Variants in PTPRN2 observed in about 807,000 individuals in gnomAD.
The protein encoded by PTPRN2 is receptor-type tyrosine-protein phosphatase N2.
In PTPRN2, 74 loss-of-function variants were observed where a neutral mutation model predicts 118.8. The ratio of observed to expected loss-of-function variants is 0.62; its 90% confidence interval spans 0.52 to 0.76. PTPRN2 has a LOEUF of 0.76. Ranked by LOEUF, PTPRN2 falls within the 30% of genes least tolerant of loss-of-function variation. PTPRN2 has a pLI of 0.00. For synonymous variants in PTPRN2, 641 were observed against 608.0 expected (o/e 1.05, Z -0.80); for missense variants, 1,481 against 1,394.4 (o/e 1.06, Z -0.99).
chr7:158,439,409 A>G (rs1357126607), intron 2 of PTPRN2, among the ~76,000 whole-genome samples: 1 of 152,170 alleles, frequency 6.6e-6, no homozygotes, highest in African/African-American at 2.4e-5. Context: ...TTGAGCTAAG[A>G]ATGGTTTTTA....
intron 2 of PTPRN2, among the ~76,000 whole-genome samples, chr7:158,413,502 G>C (rs1814373736): frequency 6.6e-6 from 1 of 152,234 alleles, no homozygotes; most frequent in South Asian, 2.1e-4. Flanking sequence ...TGTCCACTCT[G>C]GGCCTGTGAC....
At chr7:157,740,496 C>A (rs1339273048) in intron 12 of PTPRN2, 1 of 151,878 alleles carries the variant, frequency 6.6e-6, no homozygotes, top group Non-Finnish European at 1.5e-5. Context: ...AACGCGGGAG[C>A]CTGACCAGCT....
chr7:158,050,981 G>A (rs1315745456), intron 11 of PTPRN2, among the ~76,000 whole-genome samples: 1 of 152,254 alleles, frequency 6.6e-6, no homozygotes, highest in African/African-American at 2.4e-5. Context: ...AGGTCACCCA[G>A]GGGCACGCCA....
intron 12 of PTPRN2, among the ~76,000 whole-genome samples, chr7:157,880,750 C>T (rs931725781): frequency 9.2e-5 from 14 of 152,180 alleles, no homozygotes; most frequent in East Asian, 3.8e-4. Context: ...TTCTAAAAAT[C>T]GCGCTAAATT....
At chr7:158,049,384 C>T (rs531003294) in intron 11 of PTPRN2, among the ~76,000 whole-genome samples, 41 of 152,300 alleles carry the variant, frequency 2.7e-4, no homozygotes, top group South Asian at 6.2e-4. Context: ...ACTCCAACTC[C>T]GACACTACAT....
chr7:157,558,457 A>G (rs1799017438), intron 21 of PTPRN2, among the ~76,000 whole-genome samples: 2 of 152,240 alleles, frequency 1.3e-5, no homozygotes, highest in African/African-American at 4.8e-5. Context: ...AGAATCAACA[A>G]GCATGTGCGG....
At chr7:158,317,664 G>A (rs1233759368) in intron 2 of PTPRN2, among the ~76,000 whole-genome samples, 1 of 152,208 alleles carries the variant, frequency 6.6e-6, no homozygotes, top group Non-Finnish European at 1.5e-5. Context: ...GCACACAAAA[G>A]GTTAATTCAG....
intron 1 of PTPRN2, among the ~76,000 whole-genome samples, chr7:158,582,836 G>C (rs1828705524): frequency 6.9e-6 from 1 of 145,080 alleles, no homozygotes; most frequent in Non-Finnish European, 1.5e-5. Context: ...CCTTAAACTA[G>C]TAATATTTAC....
At chr7:157,652,421 C>T (rs1289986618) in intron 14 of PTPRN2, among the ~76,000 whole-genome samples, 1 of 152,230 alleles carries the variant, frequency 6.6e-6, no homozygotes, top group Admixed American at 6.5e-5. Context: ...TGTCCTGGGA[C>T]ACAGCACCTG....
At chr7:158,307,631 C>T (rs1801396407) in intron 3 of PTPRN2, among the ~76,000 whole-genome samples, 1 of 152,172 alleles carries the variant, frequency 6.6e-6, no homozygotes, top group Non-Finnish European at 1.5e-5. Flanking sequence ...CACCTAGATA[C>T]ATCAAAATCA....
At chr7:157,571,202 T>TTA (rs1554494502) in intron 20 of PTPRN2, among the ~76,000 whole-genome samples, 63,411 of 129,476 alleles carry the variant, frequency 0.49, 15,467 homozygotes, top group South Asian at 0.68. Flanking sequence ...GCAACAGAGT[T>TTA]AAAAAAAAAA....
At chr7:158,523,792 T>TCTGCCCTGAAGC (rs2129448163) in intron 1 of PTPRN2, among the ~76,000 whole-genome samples, 1 of 28,288 alleles carries the variant, frequency 3.5e-5, no homozygotes, top group Non-Finnish European at 5.7e-5. Flanking sequence ...TGCCCTGGAG[T>TCTGCCCTGAAGC]GGAGTCGTCT....
At chr7:157,932,497 A>C (rs889620132) in intron 11 of PTPRN2, among the ~76,000 whole-genome samples, 2 of 152,086 alleles carry the variant, frequency 1.3e-5, no homozygotes, top group African/African-American at 4.8e-5. Flanking sequence ...TTTTTAGAGT[A>C]GGGGTGACTC....
intron 3 of PTPRN2, among the ~76,000 whole-genome samples, chr7:158,248,456 C>A (rs1462905843): frequency 6.6e-5 from 10 of 152,178 alleles, no homozygotes; most frequent in African/African-American, 2.4e-4. Context: ...GAATTCAAAT[C>A]TTAAAATGTT....
intron 3 of PTPRN2, among the ~76,000 whole-genome samples, chr7:158,259,364 G>T (rs1051189943): frequency 1.3e-5 from 2 of 152,166 alleles, no homozygotes; most frequent in African/African-American, 4.8e-5. Context: ...ACCCTTCCGG[G>T]CAGGGCAAGC....
At chr7:158,137,849 T>C (rs1373899913) in intron 7 of PTPRN2, among the ~76,000 whole-genome samples, 1 of 152,138 alleles carries the variant, frequency 6.6e-6, no homozygotes, top group Non-Finnish European at 1.5e-5. Flanking sequence ...TCCACAGGGC[T>C]CCGGATGCCT....
chr7:158,348,826 C>T (rs1807728967), intron 2 of PTPRN2, among the ~76,000 whole-genome samples: 1 of 152,198 alleles, frequency 6.6e-6, no homozygotes, highest in African/African-American at 2.4e-5. Context: ...CAGATTCCAT[C>T]ATTACCCTCC....
intron 11 of PTPRN2, among the ~76,000 whole-genome samples, chr7:157,940,117 C>T (rs1317149822): frequency 4.6e-5 from 7 of 152,120 alleles, no homozygotes; most frequent in Non-Finnish European, 8.8e-5. Flanking sequence ...CAGTCCAGGT[C>T]CTGAGGGACA....
rs1220645112 is a variant in PTPRN2, at chr7:157,929,199, G to T, written c.1724-30462C>A. Among the ~76,000 whole-genome samples, 1 of 152,150 alleles carries T rather than the reference G, an allele frequency of 6.6e-6. No individual in the cohort carries two copies. Among genetic ancestry groups the T allele is most frequent in the African/African-American group, 2.4e-5 (1 of 41,420 alleles). On this transcript the variant is annotated intron_variant, in intron 11 of 22. Coordinates refer to ENST00000389418, the MANE Select transcript of PTPRN2 (RefSeq NM_002847.5). The surrounding 1 kb of genome is among the most constrained non-coding windows in gnomAD (Gnocchi z 4.4). ...CATGCTGCGTTAGCAAATGCTGAAG[G>T]CAGGGTCGTCCCTGGCATGACCCCC...
Sources: allele counts gnomAD v4.1 joint callset (sites outside exome capture counted in the v4.1 genomes callset), GRCh38; gene constraint gnomAD v4.1.1; non-coding constraint Gnocchi (gnomAD v3.1); transcripts MANE v1.5; gene names NCBI Gene and HGNC (gene_info 2026-07-23, HGNC 2026-07-21).